Variants in DCAF1 observed in about 807,000 individuals in gnomAD.
DCAF1 encodes DDB1- and CUL4-associated factor 1.
Under a neutral mutation model 128.0 loss-of-function variants are expected in DCAF1, and 15 were observed. That is an observed-to-expected ratio of 0.12 (90% CI 0.08 to 0.18). The LOEUF (loss-of-function observed/expected upper bound fraction) is 0.18, where lower values mean the gene tolerates loss of function less well. Ranked by LOEUF, DCAF1 falls within the 10% of genes least tolerant of loss-of-function variation. The pLI is 1.00. For missense variants in DCAF1, 988 were observed against 1,649.5 expected, an observed-to-expected ratio of 0.60 and a Z score of 6.95; for synonymous variants, 610 against 603.0, an observed-to-expected ratio of 1.01 and a Z score of -0.17.
At chr3:51,399,711 G>A (rs953060688) in intron 24 of DCAF1, among the ~76,000 whole-genome samples, 1 of 152,046 alleles carries the variant, frequency 6.6e-6, no homozygotes, top group Non-Finnish European at 1.5e-5. Context: ...TCTAATATTC[G>A]CTGAGTCAAA....
At position 51,429,326 on chromosome 3, in the gene DCAF1, G is replaced by T. The variant is rs782051096; in HGVS notation, c.1612C>A (p.Gln538Lys). 4 of 780,730 alleles carry T rather than the reference G, an allele frequency of 5.1e-6. No homozygotes were observed. Among genetic ancestry groups the T allele is most frequent in the Non-Finnish European group, 9.6e-6 (4 of 417,984 alleles). The allele number at this position is 780,730 out of a possible 1,614,324, so 48.4% of individuals were successfully genotyped here. A position where few individuals can be genotyped will look rare whatever the true frequency, so the allele number is the denominator to read the frequency against. The change falls in exon 12 of 25, where the codon CAA becomes AAA. Residue 538 changes from glutamine (Q) to lysine (K), a missense_variant. Physicochemically the swap from Gln to Lys is moderately conservative, Grantham distance 53. Transcript: ENST00000684031. ...FEAHLAIKLEQVKQSLQRTEG... is the reference protein window; with the variant it reads ...FEAHLAIKLEKVKQSLQRTEG... ...GTCCTCTGAAGTGACTGCTTCACTT[G>T]TTCCAATTTAATGGCCAGGTGAGCC...
In DCAF1 at chr3:51,421,134, T is replaced by C. The variant is rs1388776111; in HGVS notation, c.1973-137A>G. The C allele has an allele frequency of 3.8e-6, 4 of 1,053,082 alleles. No homozygotes were observed. The Admixed American group carries it at 8.6e-5, about 23-fold the overall frequency. 65.2% of individuals were successfully genotyped at this position (1,053,082 alleles called of 1,614,324 possible). On this transcript the variant is annotated intron_variant, in intron 14 of 24. Coordinates refer to ENST00000684031, the MANE Select transcript of DCAF1 (RefSeq NM_001387579.1). Reference sequence around the variant, plus strand: ...ATTACTTTTGTAAAAACTGCAAGGGTTTGTATAAAGTGCAGACAGTTCTAC... The same window carrying C: ...ATTACTTTTGTAAAAACTGCAAGGGCTTGTATAAAGTGCAGACAGTTCTAC...
intron 13 of DCAF1, among the ~76,000 whole-genome samples, chr3:51,424,993 T>C (rs1369207059): frequency 5.3e-5 from 8 of 152,198 alleles, no homozygotes; most frequent in Non-Finnish European, 1.5e-5. Flanking sequence ...TTTGAAAATA[T>C]TCATAAAAAA....
chr3:51,461,856 G>T (rs1423462819), intron 6 of DCAF1, among the ~76,000 whole-genome samples: 1 of 151,968 alleles, frequency 6.6e-6, no homozygotes, highest in Admixed American at 6.6e-5. Context: ...GGTGGGAATT[G>T]AACAATGAGA....
intron 9 of DCAF1, chr3:51,440,049 G>C (rs1387687730): frequency 2.7e-6 from 1 of 373,798 alleles, no homozygotes; most frequent in Non-Finnish European, 5.2e-6. Context: ...CTAAAAAGTA[G>C]GGCATAAGCA....
intron 23 of DCAF1, among the ~76,000 whole-genome samples, chr3:51,408,113 A>G (rs533696035): frequency 2.2e-4 from 33 of 152,126 alleles, no homozygotes; most frequent in Middle Eastern, 3.4e-3. Flanking sequence ...TAGCAGCCTC[A>G]GGAACCAAAT....
chr3:51,454,877 G>A (rs1553642452), intron 6 of DCAF1, among the ~76,000 whole-genome samples: 1 of 150,794 alleles, frequency 6.6e-6, no homozygotes, highest in Non-Finnish European at 1.5e-5. Flanking sequence ...GTTTCACTGT[G>A]TTAGCCAGGA....
At chr3:51,425,945 TAGTCTGGAGACCTCTAGA>T (rs1699871372) in intron 13 of DCAF1, among the ~76,000 whole-genome samples, 1 of 152,190 alleles carries the variant, frequency 6.6e-6, no homozygotes, top group Non-Finnish European at 1.5e-5. Flanking sequence ...TCTCAAAGTA[TAGTCTGGAGACCTCTAGA>T]AGTCTGAGAC....
At chr3:51,413,755 G>A (rs1273848826) in intron 20 of DCAF1, among the ~76,000 whole-genome samples, 195 bp downstream of exon 20, 2 of 152,142 alleles carry the variant, frequency 1.3e-5, no homozygotes, top group African/African-American at 4.8e-5. Context: ...TTCAAAGTAA[G>A]CTGCCTTTCA....
Position 51,424,125 on chromosome 3 carries a change from T to C in DCAF1, c.1848-1694A>G, listed in dbSNP as rs192980149. 3.9e-5 allele frequency among the ~76,000 whole-genome samples: 6 copies of C among 152,200 alleles called. No individual in the cohort carries two copies. The East Asian group carries it at 1.2e-3, about 29-fold the overall frequency. The stretch of plus-strand genomic sequence containing the variant: ...AAGTAGAGAAATGTTGGATGTCTTT[T>C]GTAGTTAAAAAAGAAAAAACCGGCT... On this transcript the variant is annotated intron_variant, in intron 13 of 24. Transcript: ENST00000684031.
chr3:51,398,940 T>C (rs2089433811), intron 24 of DCAF1, 113 bp from the exon 25 acceptor site: 1 of 1,345,278 alleles, frequency 7.4e-7, no homozygotes, highest in South Asian at 1.3e-5. Context: ...TAACTACCAG[T>C]TTCCAGAAAG....
intron 2 of DCAF1, among the ~76,000 whole-genome samples, chr3:51,484,752 G>A (rs1553654522): frequency 2.1e-5 from 3 of 141,876 alleles, no homozygotes; most frequent in South Asian, 4.5e-4. Flanking sequence ...GCACAATCTC[G>A]GCTCACTGAA....
At chr3:51,450,917 TG>T (rs1702276542) in intron 6 of DCAF1, among the ~76,000 whole-genome samples, 1 of 152,008 alleles carries the variant, frequency 6.6e-6, no homozygotes, top group Non-Finnish European at 1.5e-5. Flanking sequence ...GCAAATGACG[TG>T]ATCTTATATG....
intron 6 of DCAF1, among the ~76,000 whole-genome samples, chr3:51,452,335 T>A (rs1368382876): frequency 6.6e-6 from 1 of 152,122 alleles, no homozygotes; most frequent in Non-Finnish European, 1.5e-5. Flanking sequence ...TCTGACTCAT[T>A]AATTGCTATA....
upstream of DCAF1, among the ~76,000 whole-genome samples, chr3:51,504,295 C>G (rs1267464940): frequency 6.6e-6 from 1 of 151,924 alleles, no homozygotes; most frequent in African/African-American, 2.4e-5. Flanking sequence ...CTCTGCCTCC[C>G]AAAATGCTGG....
At chr3:51,397,106 A>C (rs1373716749), downstream of DCAF1, 1 of 167,040 alleles carries the variant, frequency 6.0e-6, no homozygotes, top group African/African-American at 2.4e-5. Context: ...TTCACAACCA[A>C]ATTTGTCCCC....
chr3:51,436,996 C>A (rs1205920597), intron 9 of DCAF1, among the ~76,000 whole-genome samples: 1 of 152,192 alleles, frequency 6.6e-6, no homozygotes, highest in Non-Finnish European at 1.5e-5. Flanking sequence ...GGTGCAGCGG[C>A]TCACGCCTTT....
intron 1 of DCAF1, among the ~76,000 whole-genome samples, chr3:51,498,553 G>A (rs1708497974): frequency 6.6e-6 from 1 of 151,824 alleles, no homozygotes; most frequent in South Asian, 2.1e-4. Context: ...AACATACTGA[G>A]ACCACTGTCT....
chr3:51,447,125 G>C (rs1174879455), intron 6 of DCAF1, among the ~76,000 whole-genome samples: 2 of 151,660 alleles, frequency 1.3e-5, no homozygotes, highest in Non-Finnish European at 2.9e-5. Flanking sequence ...TCCTACTATG[G>C]GCTGGGCATG....
Sources: allele counts gnomAD v4.1 joint callset (sites outside exome capture counted in the v4.1 genomes callset), GRCh38; gene constraint gnomAD v4.1.1; transcripts MANE v1.5; gene names NCBI Gene and HGNC (gene_info 2026-07-23, HGNC 2026-07-21).